The following FBXL20 variants were observed in gnomAD, a reference collection of about 807,000 sequenced individuals.
FBXL20 encodes F-box and leucine rich repeat protein 20.
A neutral mutation model predicts 64.0 loss-of-function variants in FBXL20; 11 were observed. The ratio of observed to expected loss-of-function variants is 0.17; its 90% CI spans 0.11 to 0.28. The LOEUF is 0.28. Ranked by LOEUF, FBXL20 falls within the 10% of genes least tolerant of loss-of-function variation. The pLI is 1.00. For missense variants in FBXL20, 303 were observed against 526.2 expected (o/e 0.58, Z 4.15); for synonymous variants, 184 against 189.0 (o/e 0.97, Z 0.22).
chr17:39,351,316 A>G (rs1380455784), intron 1 of FBXL20, among the ~76,000 whole-genome samples: 1 of 149,916 alleles, frequency 6.7e-6, no homozygotes, highest in South Asian at 2.1e-4. Flanking sequence ...AGCTTGGGCA[A>G]CAAGAGAGAA....
At chr17:39,315,195 T>G (rs2047274137) in intron 2 of FBXL20, among the ~76,000 whole-genome samples, 2 of 151,950 alleles carry the variant, frequency 1.3e-5, no homozygotes, top group Non-Finnish European at 2.9e-5. Flanking sequence ...GGCCTCCACA[T>G]CCTTGACAAC....
chr17:39,368,483 C>A (rs2047883159), intron 1 of FBXL20, among the ~76,000 whole-genome samples: 1 of 152,148 alleles, frequency 6.6e-6, no homozygotes, highest in African/African-American at 2.4e-5. Context: ...TCTTAAGAGA[C>A]CTTTTCCTAC....
chr17:39,338,139 G>A (rs1349663926), intron 2 of FBXL20, among the ~76,000 whole-genome samples: 12 of 152,242 alleles, frequency 7.9e-5, no homozygotes, highest in South Asian at 2.1e-4. Context: ...GATGGTTGCC[G>A]TGTCTGTGTA....
chr17:39,307,679 T>C (rs971252004), intron 2 of FBXL20, among the ~76,000 whole-genome samples: 2 of 151,702 alleles, frequency 1.3e-5, no homozygotes, highest in Non-Finnish European at 2.9e-5. Context: ...CAGAATATGT[T>C]AAAAAAAAGA....
At chr17:39,368,934 C>G (rs2047888302) in intron 1 of FBXL20, among the ~76,000 whole-genome samples, 1 of 152,110 alleles carries the variant, frequency 6.6e-6, no homozygotes, top group African/African-American at 2.4e-5. Flanking sequence ...GGATTACAGG[C>G]ATGAGCCACC....
chr17:39,262,383 C>A (rs891300605), intron 14 of FBXL20, among the ~76,000 whole-genome samples: 8 of 152,002 alleles, frequency 5.3e-5, no homozygotes, highest in African/African-American at 1.7e-4. Flanking sequence ...CTGGTTCAAG[C>A]GATTTTCCTG....
intron 6 of FBXL20, among the ~76,000 whole-genome samples, chr17:39,287,771 T>G (rs1006480556): frequency 6.6e-6 from 1 of 152,056 alleles, no homozygotes; most frequent in African/African-American, 2.4e-5. Flanking sequence ...AGGTTATGTT[T>G]GACTTTGAAG....
At chr17:39,280,093 G>C (rs934395426) in intron 9 of FBXL20, among the ~76,000 whole-genome samples, 6 of 152,014 alleles carry the variant, frequency 3.9e-5, no homozygotes, top group African/African-American at 7.3e-5. Context: ...AAATCAGCCA[G>C]GTGTGGTGAC....
chr17:39,351,638 A>T (rs1371282906), intron 1 of FBXL20, among the ~76,000 whole-genome samples: 1 of 152,198 alleles, frequency 6.6e-6, no homozygotes, highest in African/African-American at 2.4e-5. Flanking sequence ...TAACTATTCA[A>T]ATGTTTAACA....
intron 9 of FBXL20, 102 bp from the exon 10 acceptor site, chr17:39,275,202 C>A: frequency 8.1e-7 from 1 of 1,233,232 alleles, no homozygotes; most frequent in Non-Finnish European, 1.1e-6. Flanking sequence ...AAAAGGAAAT[C>A]AAGACATGCT....
intron 2 of FBXL20, among the ~76,000 whole-genome samples, chr17:39,337,586 T>C (rs998354143): frequency 6.7e-6 from 1 of 148,912 alleles, no homozygotes; most frequent in Admixed American, 6.7e-5. Flanking sequence ...GGAGCGCCTC[T>C]GCCCGGCCGC....
At chr17:39,306,811 C>A (rs1295023371) in intron 2 of FBXL20, among the ~76,000 whole-genome samples, 2 of 152,156 alleles carry the variant, frequency 1.3e-5, no homozygotes, top group Non-Finnish European at 2.9e-5. Context: ...TTTTCTCCAA[C>A]TGTAGAGGCC....
chr17:39,333,576 G>T (rs2047486702), intron 2 of FBXL20, among the ~76,000 whole-genome samples: 1 of 152,162 alleles, frequency 6.6e-6, no homozygotes, highest in African/African-American at 2.4e-5. Flanking sequence ...CCCCATCTAG[G>T]AAGTGAGGAG....
chr17:39,346,621 A>G (rs1369320408), intron 1 of FBXL20, among the ~76,000 whole-genome samples: 1 of 152,094 alleles, frequency 6.6e-6, no homozygotes, highest in African/African-American at 2.4e-5. Flanking sequence ...AATACTTAGT[A>G]ACAAAAAGTT....
At chr17:39,367,833 A>G (rs2047875831) in intron 1 of FBXL20, among the ~76,000 whole-genome samples, 1 of 150,978 alleles carries the variant, frequency 6.6e-6, no homozygotes, top group Non-Finnish European at 1.5e-5. Flanking sequence ...GCCCAATCTC[A>G]GCTCACTGCA....
At chr17:39,369,196 G>T (rs772697106) in intron 1 of FBXL20, among the ~76,000 whole-genome samples, 1 of 151,382 alleles carries the variant, frequency 6.6e-6, no homozygotes, top group Non-Finnish European at 1.5e-5. Context: ...CCAACCTTGT[G>T]GAGATTACAA....
chr17:39,361,426 A>C (rs1042681684), intron 1 of FBXL20, among the ~76,000 whole-genome samples: 1 of 152,186 alleles, frequency 6.6e-6, no homozygotes, highest in Non-Finnish European at 1.5e-5. Flanking sequence ...GAATATTGAG[A>C]GCCTAGAATT....
At chr17:39,289,322 G>A (rs1178486088) in intron 6 of FBXL20, among the ~76,000 whole-genome samples, 1 of 152,138 alleles carries the variant, frequency 6.6e-6, no homozygotes, top group African/African-American at 2.4e-5. Context: ...GAACTGCACT[G>A]AATCTGTAGA....
At chr17:39,401,869 A>C, upstream of FBXL20, 1 of 399,080 alleles carries the variant, frequency 2.5e-6, no homozygotes, top group Non-Finnish European at 3.9e-6. Flanking sequence ...AGACGAGCCC[A>C]TCGGGAGAAG....
Sources: allele counts gnomAD v4.1 joint callset (sites outside exome capture counted in the v4.1 genomes callset), GRCh38; gene constraint gnomAD v4.1.1; transcripts MANE v1.5; gene names NCBI Gene and HGNC (gene_info 2026-07-23, HGNC 2026-07-21).